CEMIP: variants seen among roughly 807,000 people sequenced by gnomAD.
The protein encoded by CEMIP is cell migration-inducing and hyaluronan-binding protein.
In CEMIP, 105 loss-of-function variants were observed where a neutral mutation model predicts 156.9. That is an observed-to-expected ratio of 0.67 (90% CI 0.57 to 0.79). The LOEUF (loss-of-function observed/expected upper bound fraction) is 0.79. CEMIP is among the 30% of genes least tolerant of loss of function. The pLI is 0.00. For missense variants in CEMIP, 1,457 were observed against 1,769.4 expected (o/e 0.82, Z 3.17); for synonymous variants, 676 against 668.4 (o/e 1.01, Z -0.17).
rs1901203732 is a variant in CEMIP, at chr15:80,938,124, T to C, written c.3407+145T>C. 10 of 689,528 alleles carry C rather than the reference T, an allele frequency of 1.5e-5. No homozygotes were observed. In the South Asian group the frequency reaches 1.6e-4, roughly 11 times the overall value. 42.7% of individuals were successfully genotyped at this position (689,528 alleles called of 1,614,324 possible). A position where few individuals can be genotyped will look rare whatever the true frequency, so the allele number is the denominator to read the frequency against. ...TAGGCATTTTGACTCTAAGGCTGAC[T>C]GTCCCATACATTAACGACATTTTTA... On this transcript the variant is annotated intron_variant, in intron 25 of 29. Coordinates refer to ENST00000394685, the MANE Select transcript of CEMIP (RefSeq NM_001293298.2).
At position 80,895,865 on chromosome 15, in the gene CEMIP, A is replaced by C. The variant is rs767626693; in HGVS notation, c.1220-4A>C. 37 of 1,614,040 alleles carry C rather than the reference A, an allele frequency of 2.3e-5. No homozygotes were observed. Among genetic ancestry groups the C allele is most frequent in the Middle Eastern group, 1.6e-4 (1 of 6,084 alleles). On this transcript the variant is annotated splice_polypyrimidine_tract_variant and splice_region_variant and intron_variant, in intron 11 of 29. Coordinates refer to ENST00000394685, the MANE Select transcript of CEMIP (RefSeq NM_001293298.2). ...ATCTCAGTCTTTCCTGTTTTGGGTTACAGTGAGGCCCAAACTCACAGTCAC... is the reference window on the plus strand; with the variant it reads ...ATCTCAGTCTTTCCTGTTTTGGGTTCCAGTGAGGCCCAAACTCACAGTCAC...
chr15:80,928,873 TCTGA>T (rs1238337469), intron 19 of CEMIP, 25 bp from the exon 20 acceptor site: 11 of 1,612,848 alleles, frequency 6.8e-6, no homozygotes, highest in Non-Finnish European at 8.5e-6. Context: ...CAGGGCATGC[TCTGA>T]CTATCTATCT....
At chr15:80,788,713 T>C (rs1272580756) in intron 1 of CEMIP, among the ~76,000 whole-genome samples, 1 of 152,112 alleles carries the variant, frequency 6.6e-6, no homozygotes, top group Non-Finnish European at 1.5e-5. Flanking sequence ...GTTTAATCCA[T>C]ATGTTTTAGA....
At chr15:80,901,116 C>A (rs1295849009) in intron 12 of CEMIP, among the ~76,000 whole-genome samples, 1 of 152,126 alleles carries the variant, frequency 6.6e-6, no homozygotes, top group Non-Finnish European at 1.5e-5. Context: ...ACCCTGTTGT[C>A]TTTACCACCT....
intron 1 of CEMIP, among the ~76,000 whole-genome samples, chr15:80,787,652 G>A (rs995480476): frequency 1.3e-5 from 2 of 152,204 alleles, no homozygotes; most frequent in African/African-American, 4.8e-5. Flanking sequence ...CTCAAAGCTG[G>A]ACTTAGGTTG....
intron 1 of CEMIP, among the ~76,000 whole-genome samples, chr15:80,818,478 A>G (rs1419832198): frequency 6.6e-6 from 1 of 152,250 alleles, no homozygotes; most frequent in Non-Finnish European, 1.5e-5. Context: ...CACAGACTTG[A>G]AAGTACTTAG....
intron 1 of CEMIP, among the ~76,000 whole-genome samples, chr15:80,825,091 G>A (rs975854314): frequency 6.6e-6 from 1 of 152,188 alleles, no homozygotes; most frequent in African/African-American, 2.4e-5. Flanking sequence ...GGTGTCATCA[G>A]CACCCCAGCC....
At chr15:80,851,670 G>A (rs1048662757) in intron 1 of CEMIP, among the ~76,000 whole-genome samples, 1 of 152,118 alleles carries the variant, frequency 6.6e-6, no homozygotes, top group Middle Eastern at 3.2e-3. Flanking sequence ...GTGATAAAAG[G>A]CACAGACCAT....
intron 10 of CEMIP, 149 bp downstream of exon 10, chr15:80,889,741 G>A: frequency 2.0e-6 from 2 of 1,008,156 alleles, no homozygotes; most frequent in South Asian, 1.4e-5. Context: ...TCCCACTTTA[G>A]AGACTGAAGC....
At position 80,947,047 on chromosome 15, in the gene CEMIP, A is replaced by G; in HGVS notation, c.3940A>G (p.Arg1314Gly). 6.2e-7 allele frequency: 1 copy of G among 1,613,308 alleles called. No individual in the cohort carries two copies. The highest frequency in any genetic ancestry group is 8.5e-7 in the Non-Finnish European group (1 of 1,179,220). ...TRVLEKLGAD[R>G]GLKLKEQMAF... ...AGTGCTGGAAAAGCTTGGGGCAGAC[A>G]GGGGTCTCAAGTTGAAAGGTAAGGG... The change falls in exon 29 of 30, where the codon AGG becomes GGG. Residue 1314 changes from arginine to glycine, a missense_variant. Physicochemically the swap from Arg to Gly is moderately radical, Grantham distance 125. This residue lies in a region of CEMIP where 798 missense variants were observed against 980.1 expected (regional missense o/e 0.81). Transcript: ENST00000394685.
At chr15:80,856,357 G>A (rs1897852368) in intron 1 of CEMIP, among the ~76,000 whole-genome samples, 1 of 152,244 alleles carries the variant, frequency 6.6e-6, no homozygotes, top group Non-Finnish European at 1.5e-5. Flanking sequence ...GGACGGTGGT[G>A]TCTTCACTTT....
At chr15:80,798,490 C>G (rs773762860) in intron 1 of CEMIP, among the ~76,000 whole-genome samples, 36 of 152,096 alleles carry the variant, frequency 2.4e-4, no homozygotes, top group Non-Finnish European at 1.9e-4. Context: ...AATTAACAGT[C>G]TCACTAATTG....
Position 80,950,008 on chromosome 15 carries a change from T to C in CEMIP, c.*1084T>C, listed in dbSNP as rs779720208. 7 of 151,954 alleles carry C rather than the reference T, an allele frequency of 4.6e-5. No individual in the cohort carries two copies. The highest frequency in any genetic ancestry group is 1.0e-4 in the Non-Finnish European group (7 of 68,022). 9.4% of individuals were successfully genotyped at this position (151,954 alleles called of 1,614,324 possible). ...GAGGGGAGCAATGGGCTTTGCTGCT[T>C]ATGAGCACAGAGGAATTCAGTCCCC... On this transcript the variant is annotated 3_prime_UTR_variant, in exon 30 of 30. Transcript: ENST00000394685.
At chr15:80,848,226 C>T (rs563385918) in intron 1 of CEMIP, among the ~76,000 whole-genome samples, 128 of 152,280 alleles carry the variant, frequency 8.4e-4, no homozygotes, top group African/African-American at 2.7e-3. Context: ...CTCCACAAGC[C>T]GCATGGACTC....
At chr15:80,832,261 G>A (rs571761634) in intron 1 of CEMIP, among the ~76,000 whole-genome samples, 6 of 150,638 alleles carry the variant, frequency 4.0e-5, no homozygotes, top group Admixed American at 1.3e-4. Context: ...GATCTATGTT[G>A]CCTATGTGTT....
chr15:80,841,939 G>T (rs1453581575), intron 1 of CEMIP: 1 of 273,448 alleles, frequency 3.7e-6, no homozygotes, highest in Non-Finnish European at 7.8e-6. Flanking sequence ...TCCTGGCGGG[G>T]ATTACATACA....
chr15:80,825,294 C>G (rs983859574), intron 1 of CEMIP, among the ~76,000 whole-genome samples: 6 of 152,030 alleles, frequency 3.9e-5, no homozygotes, highest in African/African-American at 1.2e-4. Flanking sequence ...TCACAACAAA[C>G]CTATGGTAGC....
intron 23 of CEMIP, among the ~76,000 whole-genome samples, chr15:80,933,954 C>T (rs183618370): frequency 1.6e-3 from 248 of 152,236 alleles, no homozygotes; most frequent in African/African-American, 5.7e-3. Context: ...TTTAATAATA[C>T]TTTAATTGTA....
intron 1 of CEMIP, among the ~76,000 whole-genome samples, chr15:80,840,237 A>AG (rs888460158): frequency 2.6e-5 from 4 of 152,098 alleles, no homozygotes; most frequent in Admixed American, 6.5e-5. Context: ...GATAGAGGAG[A>AG]GGGAATTCCA....
Sources: gnomAD v4.1 joint callset for allele counts (sites outside exome capture counted in the v4.1 genomes callset) on GRCh38, gnomAD v4.1.1 for gene constraint, gnomAD v4.1.1 regional missense constraint, MANE v1.5 for transcripts, NCBI Gene and HGNC (gene_info 2026-07-23, HGNC 2026-07-21) for gene names.